AFG1L: variants seen among roughly 807,000 people sequenced by gnomAD.
AFG1L encodes the protein AFG1-like ATPase.
In AFG1L, 53 loss-of-function variants were observed where a neutral mutation model predicts 62.2. The observed-to-expected ratio is 0.85, with a 90% confidence interval of 0.68 to 1.07. The LOEUF (loss-of-function observed/expected upper bound fraction) is 1.07. AFG1L is among the 50% of genes least tolerant of loss of function. AFG1L has a pLI of 0.00. For missense variants in AFG1L, 555 were observed against 590.5 expected, an observed-to-expected ratio of 0.94 and a Z score of 0.62; for synonymous variants, 228 against 210.3, an observed-to-expected ratio of 1.08 and a Z score of -0.73.
intron 5 of AFG1L, chr6:108,359,938 C>T (rs768762150): frequency 2.0e-5 from 3 of 152,192 alleles, no homozygotes; most frequent in Non-Finnish European, 4.4e-5. Context: ...CTCCCATCTG[C>T]TATGTGAAGA....
chr6:108,382,845 A>G (rs959124359), intron 6 of AFG1L, among the ~76,000 whole-genome samples: 5 of 152,236 alleles, frequency 3.3e-5, no homozygotes, highest in Non-Finnish European at 5.9e-5. Flanking sequence ...GTAGAGTTGC[A>G]TCAGAATTAG....
At chr6:108,369,943 G>T (rs200166788) in intron 6 of AFG1L, among the ~76,000 whole-genome samples, 2,806 of 62,142 alleles carry the variant, frequency 0.045, 48 homozygotes, top group Admixed American at 0.13. Flanking sequence ...TGGCTGGCTG[G>T]CTGGCTATCT....
intron 6 of AFG1L, among the ~76,000 whole-genome samples, chr6:108,378,327 T>G (rs1278231400): frequency 6.6e-6 from 1 of 152,052 alleles, no homozygotes; most frequent in East Asian, 1.9e-4. Context: ...TGTTTGTTTG[T>G]TTGTTTTTTT....
At chr6:108,471,081 T>A (rs1390279558) in intron 8 of AFG1L, among the ~76,000 whole-genome samples, 2 of 152,172 alleles carry the variant, frequency 1.3e-5, no homozygotes, top group Non-Finnish European at 2.9e-5. Context: ...TGGTCGACCA[T>A]GAGGAGGGAG....
chr6:108,438,741 AAGG>A (rs981597106), intron 7 of AFG1L, among the ~76,000 whole-genome samples: 4 of 152,128 alleles, frequency 2.6e-5, no homozygotes, highest in Admixed American at 2.0e-4. Flanking sequence ...CGCTTTTTGG[AAGG>A]AGAAAGAAAT....
intron 7 of AFG1L, among the ~76,000 whole-genome samples, chr6:108,434,310 C>T (rs1771212958): frequency 6.6e-6 from 1 of 152,134 alleles, no homozygotes; most frequent in African/African-American, 2.4e-5. Context: ...GACATCTGCA[C>T]CTAGAGAAGT....
At chr6:108,400,713 T>A (rs1192948325) in intron 6 of AFG1L, among the ~76,000 whole-genome samples, 1 of 124,232 alleles carries the variant, frequency 8.0e-6, no homozygotes, top group East Asian at 2.1e-4. Flanking sequence ...TTATATATAT[T>A]TAATATATAT....
chr6:108,494,458 GT>G (rs370532580), intron 10 of AFG1L, among the ~76,000 whole-genome samples: 31 of 151,314 alleles, frequency 2.0e-4, no homozygotes, highest in African/African-American at 7.3e-4. Flanking sequence ...AAAAAATACT[GT>G]ATTAACCATT....
intron 10 of AFG1L, 40 bp from the exon 11 acceptor site, chr6:108,510,171 TG>T: frequency 6.6e-7 from 1 of 1,517,728 alleles, no homozygotes; most frequent in Non-Finnish European, 8.9e-7. Context: ...CAACCAGAAT[TG>T]GTTTATTTTT....
intron 7 of AFG1L, among the ~76,000 whole-genome samples, chr6:108,416,309 CT>C (rs1428610187): frequency 2.0e-5 from 3 of 152,186 alleles, no homozygotes; most frequent in Non-Finnish European, 4.4e-5. Flanking sequence ...AATAGGAATG[CT>C]TTTACACTGT....
intron 11 of AFG1L, among the ~76,000 whole-genome samples, chr6:108,517,516 A>C (rs911380347): frequency 2.6e-5 from 4 of 152,262 alleles, no homozygotes; most frequent in African/African-American, 9.6e-5. Flanking sequence ...GATGGATTAA[A>C]GACTTAAATG....
At chr6:108,495,920 A>G (rs919236780) in intron 10 of AFG1L, among the ~76,000 whole-genome samples, 1 of 152,244 alleles carries the variant, frequency 6.6e-6, no homozygotes, top group Non-Finnish European at 1.5e-5. Context: ...GCTCAGGTGG[A>G]AAGATGGAGA....
At chr6:108,391,395 T>G (rs947781389) in intron 6 of AFG1L, among the ~76,000 whole-genome samples, 1 of 152,240 alleles carries the variant, frequency 6.6e-6, no homozygotes, top group Admixed American at 6.5e-5. Flanking sequence ...TGTTGAGCAT[T>G]TTTTCATGTT....
At chr6:108,514,593 C>T (rs1444534353) in intron 11 of AFG1L, among the ~76,000 whole-genome samples, 6 of 152,174 alleles carry the variant, frequency 3.9e-5, no homozygotes, top group Admixed American at 1.3e-4. Context: ...CATCCACTAA[C>T]GAGCAAAATA....
chr6:108,370,489 G>T (rs1415260484), intron 6 of AFG1L, among the ~76,000 whole-genome samples: 11 of 152,030 alleles, frequency 7.2e-5, no homozygotes, highest in Admixed American at 7.2e-4. Context: ...GAAGAGGGCT[G>T]CTACTGGCAT....
At chr6:108,492,483 A>G (rs1447146515) in intron 10 of AFG1L, among the ~76,000 whole-genome samples, 4 of 152,228 alleles carry the variant, frequency 2.6e-5, no homozygotes, top group African/African-American at 9.6e-5. Flanking sequence ...AGAGAATACA[A>G]AAGTGGTGGA....
intron 7 of AFG1L, among the ~76,000 whole-genome samples, chr6:108,443,928 T>C (rs1351184415): frequency 2.0e-5 from 3 of 152,092 alleles, no homozygotes; most frequent in African/African-American, 4.8e-5. Flanking sequence ...TGTTAAAATA[T>C]ATTTTTCCCA....
chr6:108,412,577 T>C (rs995859674), intron 7 of AFG1L, among the ~76,000 whole-genome samples: 4 of 152,134 alleles, frequency 2.6e-5, no homozygotes, highest in African/African-American at 7.2e-5. Flanking sequence ...TCAGCAGAAA[T>C]CCTTCAAGCC....
At chr6:108,304,242 G>A (rs956927717) in intron 1 of AFG1L, among the ~76,000 whole-genome samples, 1 of 152,148 alleles carries the variant, frequency 6.6e-6, no homozygotes, top group Non-Finnish European at 1.5e-5. Flanking sequence ...GTTTAATTAA[G>A]ATTTGATTTT....
Sources: allele counts gnomAD v4.1 joint callset (sites outside exome capture counted in the v4.1 genomes callset), GRCh38; gene constraint gnomAD v4.1.1; transcripts MANE v1.5; gene names NCBI Gene and HGNC (gene_info 2026-07-23, HGNC 2026-07-21).